OR1J2: variants seen among roughly 807,000 people sequenced by gnomAD.
The protein encoded by OR1J2 is olfactory receptor 1J2.
For synonymous variants in OR1J2, 142 were observed against 99.7 expected (o/e 1.42, Z -2.52); for missense variants, 304 against 246.1 (o/e 1.24, Z -1.57).
the OR1J2 span, among the ~76,000 whole-genome samples, chr9:122,534,520 G>C: frequency 2.5e-3 from 374 of 152,244 alleles, 1 homozygote; most frequent in African/African-American, 8.4e-3. Flanking sequence ...CTTTTTAAGA[G>C]GATATTGCTG....
upstream of OR1J2, among the ~76,000 whole-genome samples, chr9:122,510,430 C>T (rs1828609678): frequency 6.6e-6 from 1 of 152,038 alleles, no homozygotes; most frequent in Non-Finnish European, 1.5e-5. Flanking sequence ...AGTTTTCTTA[C>T]ATAACATATA....
At chr9:122,499,789 C>T in the OR1J2 span, among the ~76,000 whole-genome samples, 1 of 152,166 alleles carries the variant, frequency 6.6e-6, no homozygotes, top group Non-Finnish European at 1.5e-5. Context: ...CAAACAGGGA[C>T]CCCAAATGCT....
At chr9:122,531,764 C>G in the OR1J2 span, among the ~76,000 whole-genome samples, 1 of 152,168 alleles carries the variant, frequency 6.6e-6, no homozygotes, top group Non-Finnish European at 1.5e-5. Context: ...GCTGATTTGA[C>G]TGATAAAGGC....
chr9:122,451,220 T>C, the OR1J2 span, among the ~76,000 whole-genome samples: 2 of 150,640 alleles, frequency 1.3e-5, no homozygotes, highest in East Asian at 3.9e-4. Context: ...AGTTTCGCTC[T>C]TGTTACCCAG....
chr9:122,579,861 A>T, the OR1J2 span, among the ~76,000 whole-genome samples: 2 of 152,218 alleles, frequency 1.3e-5, no homozygotes, highest in African/African-American at 4.8e-5. Flanking sequence ...TGGAAATGTT[A>T]TAGAATCACA....
the OR1J2 span, chr9:122,526,442 G>T: frequency 6.5e-7 from 1 of 1,531,624 alleles, no homozygotes; most frequent in Non-Finnish European, 8.8e-7. Flanking sequence ...AGATAAAGGG[G>T]TTCAACATGG....
chr9:122,451,387 G>A, the OR1J2 span, among the ~76,000 whole-genome samples: 7 of 151,960 alleles, frequency 4.6e-5, no homozygotes, highest in Non-Finnish European at 1.0e-4. Context: ...GTTTCTCCAT[G>A]TTGGTCAGGC....
chr9:122,518,530 A>T, the OR1J2 span, among the ~76,000 whole-genome samples: 1 of 152,198 alleles, frequency 6.6e-6, no homozygotes, highest in Non-Finnish European at 1.5e-5. Context: ...ATGGGGTTCT[A>T]CCCTCATGAC....
At chr9:122,503,286 C>G in the OR1J2 span, among the ~76,000 whole-genome samples, 1 of 152,176 alleles carries the variant, frequency 6.6e-6, no homozygotes, top group Non-Finnish European at 1.5e-5. Flanking sequence ...GCACTCAGGT[C>G]TGAAAGGTGT....
the OR1J2 span, among the ~76,000 whole-genome samples, chr9:122,476,710 C>CT: frequency 6.6e-6 from 1 of 150,888 alleles, no homozygotes; most frequent in Non-Finnish European, 1.5e-5. Context: ...ATTTTTTTTT[C>CT]TTTTTTCTTT....
At chr9:122,527,202 C>G in the OR1J2 span, 5 of 1,613,976 alleles carry the variant, frequency 3.1e-6, no homozygotes, top group Admixed American at 1.7e-5. Context: ...AAGATACATA[C>G]ACAGGAAAAT....
chr9:122,470,812 G>T, the OR1J2 span, among the ~76,000 whole-genome samples: 1 of 152,218 alleles, frequency 6.6e-6, no homozygotes, highest in East Asian at 1.9e-4. Flanking sequence ...TGGAGTCAAA[G>T]GAGATCATCT....
chr9:122,461,042 A>G, the OR1J2 span, among the ~76,000 whole-genome samples: 4,980 of 152,220 alleles, frequency 0.033, 102 homozygotes, highest in Middle Eastern at 0.13. Flanking sequence ...TAGGTATACA[A>G]TCATATCATC....
At chr9:122,570,358 C>T in the OR1J2 span, among the ~76,000 whole-genome samples, 59 of 152,212 alleles carry the variant, frequency 3.9e-4, no homozygotes, top group Non-Finnish European at 1.0e-4. Flanking sequence ...AACTTCTTTA[C>T]AGCAGTATAT....
the OR1J2 span, among the ~76,000 whole-genome samples, chr9:122,502,306 A>T: frequency 2.0e-5 from 3 of 151,706 alleles, no homozygotes; most frequent in East Asian, 1.9e-4. Context: ...AATTTTCTTT[A>T]AAAAAAAATC....
chr9:122,528,511 G>T, the OR1J2 span, among the ~76,000 whole-genome samples: 88,067 of 151,774 alleles, frequency 0.58, 27,450 homozygotes, highest in East Asian at 0.87. Context: ...GGCCGGAGAA[G>T]CACTTGAGCC....
At chr9:122,567,616 A>C in the OR1J2 span, 1 of 1,613,420 alleles carries the variant, frequency 6.2e-7, no homozygotes, top group Non-Finnish European at 8.5e-7. Context: ...CTGTAGATAA[A>C]AGGATTGAGC....
At chr9:122,474,109 C>G in the OR1J2 span, among the ~76,000 whole-genome samples, 1 of 152,094 alleles carries the variant, frequency 6.6e-6, no homozygotes, top group Non-Finnish European at 1.5e-5. Flanking sequence ...AGTTGGTTGC[C>G]TTTGTTCATG....
chr9:122,492,072 G>A, the OR1J2 span, among the ~76,000 whole-genome samples: 7 of 152,090 alleles, frequency 4.6e-5, no homozygotes, highest in Non-Finnish European at 7.4e-5. Context: ...ATTGCATAAT[G>A]CTGAGGTTTG....
Sources: gnomAD v4.1 joint callset for allele counts (sites outside exome capture counted in the v4.1 genomes callset) on GRCh38, gnomAD v4.1.1 for gene constraint, MANE v1.5 for transcripts, NCBI Gene and HGNC (gene_info 2026-07-23, HGNC 2026-07-21) for gene names.